DOCK3: variants seen among roughly 807,000 people sequenced by gnomAD.
The protein encoded by DOCK3 is dedicator of cytokinesis protein 3.
In DOCK3, 60 loss-of-function variants were observed where a neutral mutation model predicts 265.6. The observed-to-expected ratio is 0.23, with a 90% CI of 0.18 to 0.28. The LOEUF is 0.28. Ranked by LOEUF, DOCK3 falls within the 10% of genes least tolerant of loss-of-function variation. The probability of loss-of-function intolerance (pLI) is 1.00; values close to 1 mark genes in which losing one functional copy is unlikely to be tolerated. For missense variants in DOCK3, 1,981 were observed against 2,594.3 expected, an observed-to-expected ratio of 0.76 and a Z score of 5.14; for synonymous variants, 881 against 938.0, an observed-to-expected ratio of 0.94 and a Z score of 1.11.
chr3:50,818,579 CAT>C (rs1341470214), intron 2 of DOCK3, among the ~76,000 whole-genome samples: 2 of 152,082 alleles, frequency 1.3e-5, no homozygotes, highest in African/African-American at 4.8e-5. Flanking sequence ...TATATGAAGA[CAT>C]ATTTATATTT....
intron 3 of DOCK3, among the ~76,000 whole-genome samples, chr3:50,862,590 A>C (rs536353907): frequency 6.6e-6 from 1 of 152,156 alleles, no homozygotes. Context: ...CTTCCCTATC[A>C]TGACTTTGTT....
intron 2 of DOCK3, among the ~76,000 whole-genome samples, chr3:50,826,213 A>C (rs531188623): frequency 6.6e-6 from 1 of 151,826 alleles, no homozygotes; most frequent in African/African-American, 2.4e-5. Flanking sequence ...CTCAGCCTTA[A>C]ATGTGGCAGC....
At chr3:51,082,006 A>T (rs973534958) in intron 7 of DOCK3, among the ~76,000 whole-genome samples, 2 of 151,926 alleles carry the variant, frequency 1.3e-5, no homozygotes, top group East Asian at 3.9e-4. Context: ...TTAACTACAT[A>T]TTGAATAGAG....
chr3:51,317,810 A>G (rs1045664593), intron 32 of DOCK3, among the ~76,000 whole-genome samples: 2 of 152,000 alleles, frequency 1.3e-5, no homozygotes, highest in Non-Finnish European at 2.9e-5. Context: ...TAAAAAATCA[A>G]TTGACCATAT....
intron 5 of DOCK3, among the ~76,000 whole-genome samples, chr3:50,937,303 A>T (rs1242853281): frequency 6.7e-6 from 1 of 149,368 alleles, no homozygotes; most frequent in Non-Finnish European, 1.5e-5. Context: ...AAAAATTTAT[A>T]AAGTGGAGAG....
intron 2 of DOCK3, among the ~76,000 whole-genome samples, chr3:50,796,133 T>C (rs11130258): frequency 0.95 from 144,697 of 151,646 alleles, 69,449 homozygotes; most frequent in East Asian, 1. Context: ...CTCCGCCTCC[T>C]GGGTTCACGC....
chr3:50,836,445 G>A (rs1382395855), intron 2 of DOCK3, among the ~76,000 whole-genome samples: 1 of 152,224 alleles, frequency 6.6e-6, no homozygotes, highest in African/African-American at 2.4e-5. Flanking sequence ...CTCTGAAGCA[G>A]CAGCCTGAGC....
At chr3:50,890,370 G>C (rs983244539) in intron 4 of DOCK3, among the ~76,000 whole-genome samples, 1 of 152,048 alleles carries the variant, frequency 6.6e-6, no homozygotes, top group Non-Finnish European at 1.5e-5. Flanking sequence ...GTCATTCATA[G>C]AGTAGGAGTT....
chr3:50,687,085 C>G (rs1169058789), intron 1 of DOCK3, among the ~76,000 whole-genome samples: 1 of 151,178 alleles, frequency 6.6e-6, no homozygotes, highest in Admixed American at 6.6e-5. Context: ...TGGCAGATGC[C>G]TGTAATCCCA....
At chr3:51,249,656 G>C (rs1485096370) in intron 22 of DOCK3, among the ~76,000 whole-genome samples, 1 of 120,800 alleles carries the variant, frequency 8.3e-6, no homozygotes, top group African/African-American at 3.2e-5. Flanking sequence ...GGTGGGGGGG[G>C]GTCAGCCCCC....
chr3:51,043,995 A>G (rs977955167), intron 5 of DOCK3, among the ~76,000 whole-genome samples: 6 of 152,222 alleles, frequency 3.9e-5, no homozygotes, highest in Non-Finnish European at 8.8e-5. Context: ...AAGTTAATTC[A>G]GCTACTATGG....
At chr3:51,220,728 T>C (rs898001472) in intron 14 of DOCK3, among the ~76,000 whole-genome samples, 12 of 146,536 alleles carry the variant, frequency 8.2e-5, no homozygotes, top group African/African-American at 2.8e-4. Context: ...TATATATATA[T>C]ATATAAAATA....
chr3:51,067,537 C>A (rs971181681), intron 6 of DOCK3, among the ~76,000 whole-genome samples: 6 of 151,188 alleles, frequency 4.0e-5, no homozygotes, highest in Non-Finnish European at 2.9e-5. Context: ...CTCCCCACTT[C>A]CCTTCTCCCT....
chr3:51,108,005 C>A (rs545516875), intron 9 of DOCK3, among the ~76,000 whole-genome samples: 1 of 151,590 alleles, frequency 6.6e-6, no homozygotes, highest in Non-Finnish European at 1.5e-5. Flanking sequence ...AGAAACCCTA[C>A]AAGCCAGAAG....
intron 5 of DOCK3, among the ~76,000 whole-genome samples, chr3:51,057,216 A>G (rs2109189420): frequency 6.6e-6 from 1 of 152,318 alleles, no homozygotes; most frequent in South Asian, 2.1e-4. Flanking sequence ...AGCTCCAGGG[A>G]TTGTTTCACA....
At chr3:51,142,508 T>G (rs986845483) in intron 9 of DOCK3, among the ~76,000 whole-genome samples, 1 of 152,210 alleles carries the variant, frequency 6.6e-6, no homozygotes, top group African/African-American at 2.4e-5. Context: ...CTTTTTTCAT[T>G]GAGTTTTTTC....
At chr3:50,843,642 C>T (rs1201113972) in intron 3 of DOCK3, among the ~76,000 whole-genome samples, 2 of 152,064 alleles carry the variant, frequency 1.3e-5, no homozygotes, top group Non-Finnish European at 2.9e-5. Context: ...AATGTTAGAG[C>T]TCATTTTATC....
intron 14 of DOCK3, among the ~76,000 whole-genome samples, chr3:51,219,440 CAT>C (rs1368614460): frequency 6.6e-6 from 1 of 152,072 alleles, no homozygotes; most frequent in Non-Finnish European, 1.5e-5. Context: ...ACTGACAAGA[CAT>C]AAAAAGAAAA....
At chr3:51,148,741 T>C (rs2085422727) in intron 10 of DOCK3, among the ~76,000 whole-genome samples, 1 of 152,242 alleles carries the variant, frequency 6.6e-6, no homozygotes, top group Non-Finnish European at 1.5e-5. Context: ...TTTTGGTTAC[T>C]GTAGCCTTGT....
Sources: allele counts gnomAD v4.1 joint callset (sites outside exome capture counted in the v4.1 genomes callset), GRCh38; gene constraint gnomAD v4.1.1; transcripts MANE v1.5; gene names NCBI Gene and HGNC (gene_info 2026-07-23, HGNC 2026-07-21).